Variants in ELAPOR2 observed in about 807,000 individuals in gnomAD.
ELAPOR2 encodes the protein endosome-lysosome associated apoptosis and autophagy regulator family member 2.
Under a neutral mutation model 120.7 loss-of-function variants are expected in ELAPOR2, and 89 were observed. The ratio of observed to expected loss-of-function variants is 0.74; its 90% CI spans 0.62 to 0.88. ELAPOR2 has a LOEUF of 0.88. Among genes scored for constraint, ELAPOR2 ranks in the 40% least tolerant of loss-of-function variants. The probability of loss-of-function intolerance (pLI) is 0.00; values close to 1 mark genes in which losing one functional copy is unlikely to be tolerated. For synonymous variants in ELAPOR2, 444 were observed against 444.9 expected (o/e 1.00, Z 0.03); for missense variants, 1,134 against 1,251.6 (o/e 0.91, Z 1.42).
intron 1 of ELAPOR2, among the ~76,000 whole-genome samples, chr7:87,022,186 G>A (rs564932426): frequency 4.0e-5 from 6 of 151,470 alleles, no homozygotes; most frequent in South Asian, 2.1e-4. Context: ...CAATTAACTC[G>A]TCATTTAACA....
chr7:86,974,785 A>C (rs1583932309), intron 1 of ELAPOR2, among the ~76,000 whole-genome samples: 1 of 151,910 alleles, frequency 6.6e-6, no homozygotes, highest in East Asian at 1.9e-4. Context: ...CCAAGACATA[A>C]AAAAAAATTC....
intron 2 of ELAPOR2, 93 bp from the exon 3 acceptor site, chr7:86,948,015 G>A (rs1467909271): frequency 1.2e-5 from 10 of 850,296 alleles, no homozygotes; most frequent in Middle Eastern, 4.5e-4. Flanking sequence ...ATAAAACTCT[G>A]ATTGTGCCAC....
At chr7:87,045,315 T>C (rs1794916597) in intron 1 of ELAPOR2, among the ~76,000 whole-genome samples, 1 of 147,388 alleles carries the variant, frequency 6.8e-6, no homozygotes, top group South Asian at 2.2e-4. Context: ...ACACGTATGT[T>C]TATTGCGGCA....
Position 86,877,015 on chromosome 7 carries a change from G to C in ELAPOR2, c.*3456C>G, listed in dbSNP as rs1180277464. On this transcript the variant is annotated 3_prime_UTR_variant, in exon 22 of 22. Coordinates refer to ENST00000450689, the MANE Select transcript of ELAPOR2 (RefSeq NM_001142749.3). ...ATGGCAGAGTTGAGTAAATGCAATA[G>C]AGCCCACATGCCCTGCAAAGCCAAA... 1.3e-5 allele frequency: 2 copies of C among 152,084 alleles called. No homozygotes were observed. The highest frequency in any genetic ancestry group is 4.8e-5 in the African/African-American group (2 of 41,418). 9.4% of individuals were successfully genotyped at this position (152,084 alleles called of 1,614,324 possible). A position where few individuals can be genotyped will look rare whatever the true frequency, so the allele number is the denominator to read the frequency against.
intron 15 of ELAPOR2, chr7:86,911,499 C>T (rs944043421): frequency 9.9e-6 from 4 of 402,282 alleles, no homozygotes; most frequent in African/African-American, 2.1e-5. Context: ...CCAACCCTAA[C>T]CTCATATGTC....
chr7:86,909,897 G>A lies in ELAPOR2; in HGVS notation c.2274C>T (p.Cys758=). Residue 758 remains cysteine, a synonymous_variant, in exon 16 of 22, where the codon TGC becomes TGT. Transcript: ENST00000450689. ...DYTNLVGAFV[C]QSTIIPSESK... is the part of the protein sequence containing the mutation. The stretch of plus-strand genomic sequence containing the variant: ...TTTCAGAAGGAATAATTGTTGACTG[G>A]CATACAAATGCCCCTACCAAATTTG... The A allele has an allele frequency of 6.2e-7, 1 of 1,613,238 alleles. No individual in the cohort carries two copies. The highest frequency in any genetic ancestry group is 8.5e-7 in the Non-Finnish European group (1 of 1,179,460).
chr7:86,965,572 T>C (rs1264617997), intron 1 of ELAPOR2, among the ~76,000 whole-genome samples: 4 of 152,202 alleles, frequency 2.6e-5, no homozygotes, highest in Non-Finnish European at 5.9e-5. Context: ...CAGGCTGCCA[T>C]CAATTACGGA....
intron 1 of ELAPOR2, among the ~76,000 whole-genome samples, chr7:87,054,279 C>T (rs1795199866): frequency 6.6e-6 from 1 of 152,132 alleles, no homozygotes; most frequent in Non-Finnish European, 1.5e-5. Context: ...GAAAACGTGC[C>T]ACTCTATACT....
chr7:86,972,313 T>C (rs912735239), intron 1 of ELAPOR2, among the ~76,000 whole-genome samples: 7 of 152,108 alleles, frequency 4.6e-5, no homozygotes, highest in Non-Finnish European at 8.8e-5. Flanking sequence ...CACAAATGAA[T>C]CTGATTGGGA....
At chr7:86,982,193 A>G (rs1792524631) in intron 1 of ELAPOR2, among the ~76,000 whole-genome samples, 1 of 152,266 alleles carries the variant, frequency 6.6e-6, no homozygotes, top group Non-Finnish European at 1.5e-5. Flanking sequence ...GCAGCTCAGC[A>G]AGGCCTGTTG....
intron 19 of ELAPOR2, among the ~76,000 whole-genome samples, chr7:86,896,556 T>C (rs1788447764): frequency 6.6e-6 from 1 of 152,116 alleles, no homozygotes; most frequent in African/African-American, 2.4e-5. Context: ...CCCTCTCTGA[T>C]TCTCTGGTGC....
chr7:86,931,023 A>C (rs191299012), intron 8 of ELAPOR2, among the ~76,000 whole-genome samples: 271 of 151,982 alleles, frequency 1.8e-3, no homozygotes, highest in Non-Finnish European at 3.0e-3. Flanking sequence ...AAAACTGAAA[A>C]ACATGAAGGG....
chr7:86,927,884 T>C (rs540678696), intron 8 of ELAPOR2, among the ~76,000 whole-genome samples: 1 of 152,156 alleles, frequency 6.6e-6, no homozygotes, highest in Non-Finnish European at 1.5e-5. Context: ...TTTTTCTCCT[T>C]TAAAACAACT....
chr7:86,898,438 C>T (rs541041904), intron 18 of ELAPOR2, among the ~76,000 whole-genome samples: 2 of 151,656 alleles, frequency 1.3e-5, no homozygotes, highest in South Asian at 4.2e-4. Flanking sequence ...GGTGGTTGCC[C>T]ACATCCCTGA....
rs1391851946 is a variant in ELAPOR2, at chr7:86,993,263, AAAAGG to A, written c.190-28244_190-28240del. Among the ~76,000 whole-genome samples the A allele has an allele frequency of 4.7e-5, 7 of 150,452 alleles. 1 individual carries two copies. The highest frequency in any genetic ancestry group is 9.8e-5 in the African/African-American group (4 of 40,874). ...AAAAAAAAAAAAAGAAAAAGAAAAG[AAAAGG>A]AAAGAAAAAGAAAAAAGAAAATCTT... On this transcript the variant is annotated intron_variant, in intron 1 of 21. Coordinates refer to ENST00000450689, the MANE Select transcript of ELAPOR2 (RefSeq NM_001142749.3).
chr7:87,000,213 G>A (rs890933415), intron 1 of ELAPOR2, among the ~76,000 whole-genome samples: 2 of 152,088 alleles, frequency 1.3e-5, no homozygotes, highest in African/African-American at 4.8e-5. Flanking sequence ...CACAAAAGGA[G>A]ACGTATGCAA....
chr7:86,889,790 C>T (rs1788047671), intron 21 of ELAPOR2, among the ~76,000 whole-genome samples: 1 of 152,082 alleles, frequency 6.6e-6, no homozygotes, highest in Non-Finnish European at 1.5e-5. Context: ...TTGAAAATTT[C>T]CTTGTCCCCT....
chr7:87,009,084 T>C (rs1413605332), intron 1 of ELAPOR2, among the ~76,000 whole-genome samples: 3 of 152,150 alleles, frequency 2.0e-5, no homozygotes, highest in Non-Finnish European at 2.9e-5. Context: ...TGTTAAGCAA[T>C]GCTGAGCAAA....
At chr7:86,885,376 C>A (rs568541487) in intron 21 of ELAPOR2, among the ~76,000 whole-genome samples, 96 of 152,008 alleles carry the variant, frequency 6.3e-4, no homozygotes, top group Non-Finnish European at 1.3e-3. Context: ...TTTGGGTAGA[C>A]CAAAAACATT....
Sources: allele counts gnomAD v4.1 joint callset (sites outside exome capture counted in the v4.1 genomes callset), GRCh38; gene constraint gnomAD v4.1.1; transcripts MANE v1.5; gene names NCBI Gene and HGNC (gene_info 2026-07-23, HGNC 2026-07-21).